LRRC8C: variants seen among roughly 807,000 people sequenced by gnomAD.
The protein encoded by LRRC8C is leucine rich repeat containing 8 VRAC subunit C.
LRRC8C carries 20 observed loss-of-function variants against 55.3 expected under a neutral mutation model. The ratio of observed to expected loss-of-function variants is 0.36; its 90% CI spans 0.25 to 0.53. The LOEUF (loss-of-function observed/expected upper bound fraction) is 0.53, where lower values mean the gene tolerates loss of function less well. Among genes scored for constraint, LRRC8C ranks in the 20% least tolerant of loss-of-function variants. The pLI, the probability that LRRC8C is intolerant of heterozygous loss-of-function variation, is 0.92. For synonymous variants in LRRC8C, 376 were observed against 360.7 expected (o/e 1.04, Z -0.48); for missense variants, 659 against 951.4 (o/e 0.69, Z 4.04).
At chr1:89,656,621 A>G (rs573301271) in intron 1 of LRRC8C, among the ~76,000 whole-genome samples, 10 of 152,310 alleles carry the variant, frequency 6.6e-5, no homozygotes, top group Admixed American at 5.9e-4. Flanking sequence ...TAGGTAACAC[A>G]TGGAGTTACA....
intron 1 of LRRC8C, among the ~76,000 whole-genome samples, chr1:89,637,205 G>A (rs1421549064): frequency 6.6e-6 from 1 of 152,000 alleles, no homozygotes; most frequent in African/African-American, 2.4e-5. Context: ...TCATTAGGTT[G>A]CAAATATACC....
chr1:89,692,544 A>G (rs1473879858), intron 2 of LRRC8C, among the ~76,000 whole-genome samples: 1 of 152,234 alleles, frequency 6.6e-6, no homozygotes. Context: ...ATGTAAAAGG[A>G]TTAGAACCAG....
chr1:89,694,417 A>G (rs1233274899), intron 2 of LRRC8C, among the ~76,000 whole-genome samples: 2 of 152,120 alleles, frequency 1.3e-5, no homozygotes, highest in East Asian at 1.9e-4. Flanking sequence ...TTTCTAGCAA[A>G]CAAGGACTTT....
At chr1:89,641,625 A>T (rs1434598668) in intron 1 of LRRC8C, among the ~76,000 whole-genome samples, 1 of 152,068 alleles carries the variant, frequency 6.6e-6, no homozygotes, top group Non-Finnish European at 1.5e-5. Context: ...AAGTCTATCC[A>T]TCTCATTACA....
rs1338397770 is a variant in LRRC8C at position 89,713,587 on chromosome 1, C to T, written c.1017C>T (p.Tyr339=). The change falls in exon 3 of 3, where the codon TAC becomes TAT. Residue 339 remains tyrosine (Y), a synonymous_variant. Transcript: ENST00000370454. This position sits in a 1 kb window ranked among gnomAD's most constrained non-coding sequence, Gnocchi z 5.2. Reference sequence around the variant, plus strand: ...GATTGACGTGCCTTTATACCTTATACTGGCTGTTCTACCGTTCTCTACGGG... The same window carrying T: ...GATTGACGTGCCTTTATACCTTATATTGGCTGTTCTACCGTTCTCTACGGG... The part of the protein sequence containing the change: ...IYGLTCLYTL[Y]WLFYRSLREY... 3 of 1,614,158 alleles carry T rather than the reference C, an allele frequency of 1.9e-6. No homozygotes were observed. The highest frequency in any genetic ancestry group is 4.5e-5 in the East Asian group (2 of 44,878).
chr1:89,663,844 T>C (rs1657184239), intron 1 of LRRC8C, among the ~76,000 whole-genome samples: 1 of 152,230 alleles, frequency 6.6e-6, no homozygotes, highest in Admixed American at 6.5e-5. Context: ...TGGTATCTCA[T>C]TGTGGTTTTT....
chr1:89,644,815 G>A (rs1041507237), intron 1 of LRRC8C, among the ~76,000 whole-genome samples: 1 of 152,178 alleles, frequency 6.6e-6, no homozygotes, highest in Non-Finnish European at 1.5e-5. Context: ...CTAAACCCCT[G>A]AGCAGCAGGA....
chr1:89,680,072 A>G (rs1657654723), intron 1 of LRRC8C, among the ~76,000 whole-genome samples: 1 of 146,724 alleles, frequency 6.8e-6, no homozygotes, highest in South Asian at 2.1e-4. Flanking sequence ...AACTTTACCA[A>G]TATTCTTTTT....
the LRRC8C span, among the ~76,000 whole-genome samples, chr1:89,621,445 C>A: frequency 2.0e-5 from 3 of 152,082 alleles, no homozygotes; most frequent in South Asian, 2.1e-4. Flanking sequence ...CCAGCCTGGG[C>A]GACAGAGCGA....
At chr1:89,687,616 G>A (rs1387336376) in intron 2 of LRRC8C, among the ~76,000 whole-genome samples, 2 of 152,144 alleles carry the variant, frequency 1.3e-5, no homozygotes, top group Admixed American at 6.5e-5. Flanking sequence ...ACTGAGAAGG[G>A]GCAGCCATAA....
At chr1:89,709,243 A>T (rs1349507147) in intron 2 of LRRC8C, among the ~76,000 whole-genome samples, 1 of 152,210 alleles carries the variant, frequency 6.6e-6, no homozygotes, top group Non-Finnish European at 1.5e-5. Context: ...ACAGGTTTAA[A>T]TTCCTGTTCT....
chr1:89,637,853 C>T (rs1656336213), intron 1 of LRRC8C, among the ~76,000 whole-genome samples: 1 of 152,108 alleles, frequency 6.6e-6, no homozygotes, highest in Non-Finnish European at 1.5e-5. Context: ...GTGTAACATA[C>T]CATCACAAAT....
upstream of LRRC8C, chr1:89,632,885 C>G (rs1186908832): frequency 6.6e-6 from 1 of 152,492 alleles, no homozygotes; most frequent in East Asian, 1.9e-4. Flanking sequence ...GCATCCCTCG[C>G]TGGCGAGTCC....
At chr1:89,693,952 G>A (rs756138716) in intron 2 of LRRC8C, among the ~76,000 whole-genome samples, 3 of 151,686 alleles carry the variant, frequency 2.0e-5, no homozygotes, top group Non-Finnish European at 2.9e-5. Context: ...CTACTGCACC[G>A]GCCCAGTTGT....
chr1:89,704,239 A>G (rs758766632), intron 2 of LRRC8C, among the ~76,000 whole-genome samples: 2 of 152,126 alleles, frequency 1.3e-5, no homozygotes, highest in African/African-American at 2.4e-5. Flanking sequence ...GATCTGTTCT[A>G]TGTCCTCATC....
chr1:89,635,191 G>A (rs1003425293), intron 1 of LRRC8C, among the ~76,000 whole-genome samples: 1 of 151,992 alleles, frequency 6.6e-6, no homozygotes, highest in Non-Finnish European at 1.5e-5. Flanking sequence ...ACAATACAAA[G>A]TTAGAAATAT....
At chr1:89,633,609 A>G (rs965349991) in intron 1 of LRRC8C, among the ~76,000 whole-genome samples, 4 of 152,042 alleles carry the variant, frequency 2.6e-5, no homozygotes, top group African/African-American at 9.7e-5. Flanking sequence ...CCGCAGCGGC[A>G]GGTCCTGCAG....
chr1:89,638,006 T>A (rs570472954), intron 1 of LRRC8C, among the ~76,000 whole-genome samples: 3 of 152,198 alleles, frequency 2.0e-5, no homozygotes, highest in Admixed American at 2.0e-4. Flanking sequence ...GAAAATAGAA[T>A]TCAGAAAAGA....
intron 2 of LRRC8C, among the ~76,000 whole-genome samples, chr1:89,688,384 G>C (rs1244327973): frequency 6.6e-6 from 1 of 152,126 alleles, no homozygotes; most frequent in Non-Finnish European, 1.5e-5. Flanking sequence ...GGAAAAATAA[G>C]CAAAATAAGC....
Sources: gnomAD v4.1 joint callset for allele counts (sites outside exome capture counted in the v4.1 genomes callset) on GRCh38, gnomAD v4.1.1 for gene constraint, Gnocchi (gnomAD v3.1) non-coding constraint, MANE v1.5 for transcripts, NCBI Gene and HGNC (gene_info 2026-07-23, HGNC 2026-07-21) for gene names.